Variants in LRRIQ1 observed in about 807,000 individuals in gnomAD.
LRRIQ1 encodes the protein leucine-rich repeat- and IQ domain-containing protein 1.
A neutral mutation model predicts 211.9 loss-of-function variants in LRRIQ1; 210 were observed. The observed-to-expected ratio is 0.99, with a 90% CI of 0.89 to 1.11. LRRIQ1 has a LOEUF of 1.11. Ranked by LOEUF, LRRIQ1 falls within the 50% of genes most tolerant of loss-of-function variation. The pLI is 0.00. For synonymous variants in LRRIQ1, 699 were observed against 650.1 expected, an observed-to-expected ratio of 1.08 and a Z score of -1.14; for missense variants, 2,136 against 1,939.5, an observed-to-expected ratio of 1.10 and a Z score of -1.90.
chr12:85,257,589 T>C (rs749095602), intron 1 of LRRIQ1, among the ~76,000 whole-genome samples: 3 of 151,734 alleles, frequency 2.0e-5, no homozygotes, highest in Non-Finnish European at 4.4e-5. Flanking sequence ...AAACACCCAA[T>C]AGGTATTAAC....
Position 85,219,810 on chromosome 12 carries a change from G to C in LRRIQ1, c.4823-9707G>C, listed in dbSNP as rs143632631. Among the ~76,000 whole-genome samples the C allele has an allele frequency of 6.3e-3, 956 of 152,142 alleles. 7 individuals carry two copies. Among genetic ancestry groups the C allele is most frequent in the African/African-American group, 0.022 (922 of 41,528 alleles). ...TTTTTAAAGAATAGGGATGTTGCTTGTCACACACAAATGGCTCTTATAGAG... is the reference window on the plus strand; with the variant it reads ...TTTTTAAAGAATAGGGATGTTGCTTCTCACACACAAATGGCTCTTATAGAG... On this transcript the variant is annotated intron_variant, in intron 24 of 26. Coordinates refer to ENST00000393217, the MANE Select transcript of LRRIQ1 (RefSeq NM_001079910.2).
chr12:85,198,772 G>A (rs1367156984), intron 24 of LRRIQ1, among the ~76,000 whole-genome samples: 1 of 152,064 alleles, frequency 6.6e-6, no homozygotes, highest in Non-Finnish European at 1.5e-5. Flanking sequence ...GTTCCACCAT[G>A]TTAGCCAGAA....
At chr12:85,201,207 C>T (rs1356598096) in intron 24 of LRRIQ1, among the ~76,000 whole-genome samples, 3 of 148,916 alleles carry the variant, frequency 2.0e-5, no homozygotes, top group African/African-American at 4.9e-5. Context: ...CGATGTTCAT[C>T]GAGGCTATTG....
chr12:85,165,249 A>C (rs1225839617), intron 24 of LRRIQ1, among the ~76,000 whole-genome samples: 1 of 152,106 alleles, frequency 6.6e-6, no homozygotes, highest in Non-Finnish European at 1.5e-5. Context: ...GATAAAGAGC[A>C]TAGTAACAAA....
At chr12:85,162,923 A>G (rs1565878680) in intron 24 of LRRIQ1, 1 of 374,074 alleles carries the variant, frequency 2.7e-6, no homozygotes. Flanking sequence ...ACAGTTTTAT[A>G]TGGAAGTTTT....
chr12:85,132,972 A>T (rs1336820416), intron 18 of LRRIQ1, among the ~76,000 whole-genome samples: 1 of 152,028 alleles, frequency 6.6e-6, no homozygotes, highest in Admixed American at 6.6e-5. Context: ...AGAGTAAAAA[A>T]GTTAGAGGTA....
At chr12:85,067,301 T>G (rs1315498939) in intron 10 of LRRIQ1, among the ~76,000 whole-genome samples, 1 of 151,914 alleles carries the variant, frequency 6.6e-6, no homozygotes. Context: ...ATACATCACT[T>G]GGACTTATCT....
chr12:85,212,876 C>T (rs1893904046), intron 24 of LRRIQ1, among the ~76,000 whole-genome samples: 1 of 149,398 alleles, frequency 6.7e-6, no homozygotes, highest in Non-Finnish European at 1.5e-5. Flanking sequence ...AATATTACTG[C>T]CACACTACTA....
intron 19 of LRRIQ1, among the ~76,000 whole-genome samples, chr12:85,150,502 A>C (rs921573033): frequency 6.6e-6 from 1 of 151,836 alleles, no homozygotes; most frequent in African/African-American, 2.4e-5. Context: ...TGTATAAATC[A>C]GTGGGAGTTT....
In LRRIQ1 at chr12:85,234,143, G is replaced by A. The variant is rs545980890; in HGVS notation, c.5016+1387G>A. Among the ~76,000 whole-genome samples the A allele has an allele frequency of 2.8e-3, 428 of 152,140 alleles. 3 individuals carry two copies. The highest frequency in any genetic ancestry group is 4.7e-3 in the Non-Finnish European group (317 of 67,972). ...CCCCAGCTACTTGGGAGGCTTAGGT[G>A]GGAAGATCATTTGAGCCTAGAAGAT... On this transcript the variant is annotated intron_variant, in intron 26 of 26. Coordinates refer to ENST00000393217, the MANE Select transcript of LRRIQ1 (RefSeq NM_001079910.2).
downstream of LRRIQ1, among the ~76,000 whole-genome samples, chr12:85,266,779 C>CTAGT (rs1896429908): frequency 2.6e-5 from 4 of 152,190 alleles, 1 homozygote; most frequent in South Asian, 4.1e-4. Context: ...AACTTACTTG[C>CTAGT]TAGTAGTCTT....
chr12:85,078,420 C>G (rs1274277016), intron 11 of LRRIQ1, among the ~76,000 whole-genome samples: 1 of 152,082 alleles, frequency 6.6e-6, no homozygotes, highest in African/African-American at 2.4e-5. Context: ...TGGGAGTAGG[C>G]TTGTTTTTTA....
chr12:85,072,750 AC>A (rs1235228364), intron 10 of LRRIQ1, among the ~76,000 whole-genome samples, 156 bp from the exon 11 acceptor site: 1 of 150,744 alleles, frequency 6.6e-6, no homozygotes, highest in East Asian at 2.0e-4. Flanking sequence ...TTTATTTTTA[AC>A]CTTTTGAATC....
chr12:85,149,508 A>G (rs983168625), intron 19 of LRRIQ1, among the ~76,000 whole-genome samples: 2 of 151,834 alleles, frequency 1.3e-5, no homozygotes, highest in African/African-American at 4.8e-5. Flanking sequence ...CCATTGGTCT[A>G]TGTGAGTAGA....
intron 24 of LRRIQ1, among the ~76,000 whole-genome samples, chr12:85,182,382 G>T (rs2136890780): frequency 6.6e-6 from 1 of 152,144 alleles, no homozygotes; most frequent in East Asian, 1.9e-4. Flanking sequence ...CCTTTTATAT[G>T]TTTTTGTTTG....
chr12:85,049,543 A>C (rs1880051280), intron 6 of LRRIQ1, among the ~76,000 whole-genome samples: 1 of 151,876 alleles, frequency 6.6e-6, no homozygotes, highest in African/African-American at 2.4e-5. Context: ...CTCCTTTTTT[A>C]TTGTTTATAA....
At position 85,061,602 on chromosome 12, in the gene LRRIQ1, G is replaced by T. The variant is rs145622449; in HGVS notation, c.2392-3660G>T. Among the ~76,000 whole-genome samples, 445 of 151,824 alleles carry T rather than the reference G, an allele frequency of 2.9e-3. 1 individual carries two copies. Among genetic ancestry groups the T allele is most frequent in the African/African-American group, 9.9e-3 (411 of 41,514 alleles). On this transcript the variant is annotated intron_variant, in intron 8 of 26. Coordinates refer to ENST00000393217, the MANE Select transcript of LRRIQ1 (RefSeq NM_001079910.2). The stretch of plus-strand genomic sequence containing the variant: ...AAGCAACATGTTACTAAATCACACT[G>T]AATAATATAAATTATAATGTTGAGT...
chr12:85,071,126 T>G (rs1374859878), intron 10 of LRRIQ1, among the ~76,000 whole-genome samples: 2 of 151,936 alleles, frequency 1.3e-5, no homozygotes, highest in Non-Finnish European at 2.9e-5. Context: ...AAAAGCATAC[T>G]CAAGATATTG....
At chr12:85,055,450 G>A in intron 7 of LRRIQ1, 97 bp from the exon 8 acceptor site, 1 of 993,480 alleles carries the variant, frequency 1.0e-6, no homozygotes, top group Non-Finnish European at 1.3e-6. Context: ...TAAGACTTCA[G>A]TTTTAGTATT....
Sources: gnomAD v4.1 joint callset for allele counts (sites outside exome capture counted in the v4.1 genomes callset) on GRCh38, gnomAD v4.1.1 for gene constraint, MANE v1.5 for transcripts, NCBI Gene and HGNC (gene_info 2026-07-23, HGNC 2026-07-21) for gene names.